Variants in KCNJ6 observed in about 807,000 individuals in gnomAD.
The protein encoded by KCNJ6 is potassium inwardly rectifying channel subfamily J member 6.
Under a neutral mutation model 34.2 loss-of-function variants are expected in KCNJ6, and 9 were observed. The ratio of observed to expected loss-of-function variants is 0.26; its 90% CI spans 0.16 to 0.46. KCNJ6 has a LOEUF of 0.46. KCNJ6 is among the 20% of genes least tolerant of loss of function. The pLI is 1.00. For synonymous variants in KCNJ6, 196 were observed against 207.1 expected (o/e 0.95, Z 0.46); for missense variants, 236 against 531.3 (o/e 0.44, Z 5.46).
At chr21:37,660,175 A>G (rs2835880) in intron 3 of KCNJ6, among the ~76,000 whole-genome samples, 44,542 of 152,134 alleles carry the variant, frequency 0.29, 6,756 homozygotes, top group Non-Finnish European at 0.32. Flanking sequence ...AGCTTTCCCA[A>G]GAGGCACCTG....
At chr21:37,824,707 T>C (rs1164524155) in intron 2 of KCNJ6, among the ~76,000 whole-genome samples, 1 of 152,218 alleles carries the variant, frequency 6.6e-6, no homozygotes, top group Non-Finnish European at 1.5e-5. Context: ...TGCCACCATG[T>C]AAGACGTGCT....
intron 3 of KCNJ6, among the ~76,000 whole-genome samples, chr21:37,671,979 G>T (rs2054544315): frequency 6.6e-6 from 1 of 152,056 alleles, no homozygotes; most frequent in Non-Finnish European, 1.5e-5. Flanking sequence ...GGTTTTCTCT[G>T]TATAAGATCA....
chr21:37,686,460 C>CTTTTTT (rs34884125), intron 3 of KCNJ6, among the ~76,000 whole-genome samples: 2 of 35,868 alleles, frequency 5.6e-5, no homozygotes, highest in Admixed American at 4.0e-4. Context: ...CGGGTGAAGT[C>CTTTTTT]TTTTTTTTTT....
chr21:37,819,475 A>T (rs2055363574), intron 2 of KCNJ6, among the ~76,000 whole-genome samples: 1 of 152,216 alleles, frequency 6.6e-6, no homozygotes, highest in Non-Finnish European at 1.5e-5. Flanking sequence ...CCATCTGACA[A>T]ATCTGAAAGG....
intron 2 of KCNJ6, among the ~76,000 whole-genome samples, chr21:37,803,963 C>G (rs943378873): frequency 1.3e-5 from 2 of 152,100 alleles, no homozygotes; most frequent in Non-Finnish European, 2.9e-5. Context: ...CTATCCAAGT[C>G]TCCCACTTTG....
At chr21:37,679,013 G>C (rs1261698162) in intron 3 of KCNJ6, among the ~76,000 whole-genome samples, 2 of 152,206 alleles carry the variant, frequency 1.3e-5, no homozygotes, top group African/African-American at 4.8e-5. Context: ...AAAGGGTGCT[G>C]TGGGTTTTCT....
intron 1 of KCNJ6, among the ~76,000 whole-genome samples, chr21:37,852,591 T>C (rs1385619933): frequency 6.6e-6 from 1 of 152,222 alleles, no homozygotes; most frequent in Non-Finnish European, 1.5e-5. Context: ...AGAGGAGTCC[T>C]GCTATAATAC....
chr21:37,716,369 A>AATT lies in KCNJ6; in HGVS notation c.26-1239_26-1238insAAT, dbSNP rs1438400161. Among the ~76,000 whole-genome samples, 5 of 149,234 alleles carry AATT rather than the reference A, an allele frequency of 3.4e-5. No individual in the cohort carries two copies. The East Asian group carries it at 9.9e-4, about 30-fold the overall frequency. On this transcript the variant is annotated intron_variant, in intron 2 of 3. Coordinates refer to ENST00000609713, the MANE Select transcript of KCNJ6 (RefSeq NM_002240.5). ...CTTGTGGTTATTTTTTTTCTTTTAA[A>AATT]AAAGTTTAAATTTTTTTTTTTTTTT...
intron 3 of KCNJ6, among the ~76,000 whole-genome samples, chr21:37,712,831 C>T: frequency 6.7e-6 from 1 of 149,934 alleles, no homozygotes; most frequent in Non-Finnish European, 1.5e-5. Context: ...TATTGCCACA[C>T]AAATGCACCC....
intron 3 of KCNJ6, among the ~76,000 whole-genome samples, chr21:37,669,881 T>C (rs1436329071): frequency 1.3e-5 from 2 of 152,230 alleles, no homozygotes; most frequent in Non-Finnish European, 2.9e-5. Flanking sequence ...GATGAAGTTA[T>C]ATTTATATTT....
chr21:37,838,561 G>A (rs115182878), intron 2 of KCNJ6, among the ~76,000 whole-genome samples: 354 of 152,298 alleles, frequency 2.3e-3, no homozygotes, highest in African/African-American at 7.5e-3. Context: ...AGAACGTGGC[G>A]AATTTGGACT....
chr21:37,796,134 G>A (rs932180321), intron 2 of KCNJ6, among the ~76,000 whole-genome samples: 1 of 152,142 alleles, frequency 6.6e-6, no homozygotes, highest in Non-Finnish European at 1.5e-5. Context: ...GCCGTAGCCC[G>A]TGGTTGCATC....
intron 2 of KCNJ6, among the ~76,000 whole-genome samples, chr21:37,723,943 A>AC (rs2054840354): frequency 6.6e-6 from 1 of 152,206 alleles, no homozygotes. Flanking sequence ...ATAAAAAAAA[A>AC]AAAGAAAAGC....
chr21:37,763,646 C>T (rs115678118), intron 2 of KCNJ6, among the ~76,000 whole-genome samples: 1,739 of 152,308 alleles, frequency 0.011, 23 homozygotes, highest in African/African-American at 0.04. Flanking sequence ...GTGTTTGAGC[C>T]ATGTGTTCTA....
At chr21:37,827,447 A>G (rs2055404422) in intron 2 of KCNJ6, among the ~76,000 whole-genome samples, 1 of 152,236 alleles carries the variant, frequency 6.6e-6, no homozygotes, top group Non-Finnish European at 1.5e-5. Context: ...TCCCGTAAGT[A>G]GTAGAAATCG....
rs567117361 is a variant in KCNJ6 at position 37,716,739 on chromosome 21, T to C, written c.26-1608A>G. 3.3e-5 allele frequency among the ~76,000 whole-genome samples: 5 copies of C among 152,318 alleles called. No homozygotes were observed. The East Asian group carries it at 9.6e-4, about 29-fold the overall frequency. ...CACTGGTTCACTCATTAGTTAATAA[T>C]GCATTAGGAAAGCTCTCCTAAAACT... On this transcript the variant is annotated intron_variant, in intron 2 of 3. Transcript: ENST00000609713.
intron 2 of KCNJ6, among the ~76,000 whole-genome samples, chr21:37,835,559 T>C (rs907693042): frequency 5.9e-5 from 9 of 152,240 alleles, no homozygotes; most frequent in African/African-American, 1.2e-4. Context: ...AAGTATTCCA[T>C]GCAGACCATG....
chr21:37,805,547 G>A (rs2055289553), intron 2 of KCNJ6, among the ~76,000 whole-genome samples: 1 of 151,746 alleles, frequency 6.6e-6, no homozygotes, highest in Admixed American at 6.6e-5. Context: ...TGCCTTTCTG[G>A]CCATGAGCCC....
chr21:37,746,755 T>C (rs1040891327), intron 2 of KCNJ6, among the ~76,000 whole-genome samples: 1 of 152,202 alleles, frequency 6.6e-6, no homozygotes, highest in Non-Finnish European at 1.5e-5. Flanking sequence ...CTTGAATAAA[T>C]GAATAGGTAA....
Sources: allele counts gnomAD v4.1 joint callset (sites outside exome capture counted in the v4.1 genomes callset), GRCh38; gene constraint gnomAD v4.1.1; transcripts MANE v1.5; gene names NCBI Gene and HGNC (gene_info 2026-07-23, HGNC 2026-07-21).